Variants in CSMD1 observed in about 807,000 individuals in gnomAD.
CSMD1 encodes CUB and sushi domain-containing protein 1.
Under a neutral mutation model 417.5 loss-of-function variants are expected in CSMD1, and 213 were observed. The observed-to-expected ratio is 0.51, with a 90% CI of 0.46 to 0.57. The LOEUF is 0.57. CSMD1 is among the 20% of genes least tolerant of loss of function. CSMD1 has a pLI of 0.00. For synonymous variants in CSMD1, 2,862 were observed against 1,736.8 expected (o/e 1.65, Z -16.11); for missense variants, 6,923 against 4,529.7 (o/e 1.53, Z -15.17).
At chr8:3,043,866 T>C (rs1811267632) in intron 50 of CSMD1, 1 of 152,420 alleles carries the variant, frequency 6.6e-6, no homozygotes, top group African/African-American at 2.4e-5. Flanking sequence ...TCTAATTAAA[T>C]AATGTCATTC....
chr8:3,744,365 C>T (rs963532389), intron 6 of CSMD1, among the ~76,000 whole-genome samples: 4 of 152,056 alleles, frequency 2.6e-5, no homozygotes, highest in Admixed American at 2.6e-4. Context: ...CTAAACAGGG[C>T]ACAGCAGGAC....
rs564224186 is a variant in CSMD1, at chr8:4,112,594, T to C, written c.416-80495A>G. 1.2e-4 allele frequency among the ~76,000 whole-genome samples: 18 copies of C among 152,248 alleles called. 1 individual carries two copies. The East Asian group carries it at 3.3e-3, about 28-fold the overall frequency. Reference sequence around the variant, plus strand: ...CTGGGGAGGCTGACTTCACAGTCTGTGCGTGTATGAGGGCTGGTTCTCAGC... The same window carrying C: ...CTGGGGAGGCTGACTTCACAGTCTGCGCGTGTATGAGGGCTGGTTCTCAGC... On this transcript the variant is annotated intron_variant, in intron 3 of 69. Coordinates refer to ENST00000635120, the MANE Select transcript of CSMD1 (RefSeq NM_033225.6).
At chr8:3,445,246 C>A (rs1450213383) in intron 12 of CSMD1, among the ~76,000 whole-genome samples, 1 of 152,168 alleles carries the variant, frequency 6.6e-6, no homozygotes, top group South Asian at 2.1e-4. Flanking sequence ...GGGTTACGTT[C>A]TCTGGGTTTC....
chr8:3,026,594 C>T (rs964748274), intron 51 of CSMD1, among the ~76,000 whole-genome samples: 10 of 152,066 alleles, frequency 6.6e-5, no homozygotes, highest in Admixed American at 6.5e-4. Flanking sequence ...CTTGACTGGG[C>T]CTCACTGGAC....
At chr8:4,336,904 C>A (rs1426660297) in intron 3 of CSMD1, among the ~76,000 whole-genome samples, 1 of 152,026 alleles carries the variant, frequency 6.6e-6, no homozygotes, top group Non-Finnish European at 1.5e-5. Flanking sequence ...TGCCTAATTT[C>A]CATAATAAAT....
intron 5 of CSMD1, among the ~76,000 whole-genome samples, chr8:3,893,521 A>T (rs1807139897): frequency 6.6e-6 from 1 of 151,808 alleles, no homozygotes; most frequent in South Asian, 2.1e-4. Flanking sequence ...TTTACAAATT[A>T]AATTTATAAA....
intron 8 of CSMD1, among the ~76,000 whole-genome samples, chr8:3,596,757 T>G (rs980719348): frequency 6.6e-6 from 1 of 152,048 alleles, no homozygotes; most frequent in African/African-American, 2.4e-5. Flanking sequence ...AAAACACTGC[T>G]ATAATTCAGG....
intron 3 of CSMD1, among the ~76,000 whole-genome samples, chr8:4,074,313 C>A (rs1209912152): frequency 1.3e-5 from 2 of 151,866 alleles, no homozygotes; most frequent in African/African-American, 4.8e-5. Context: ...AAAATAAAAA[C>A]TATAGATTAA....
At chr8:4,253,870 T>C (rs1466060532) in intron 3 of CSMD1, among the ~76,000 whole-genome samples, 1 of 150,958 alleles carries the variant, frequency 6.6e-6, no homozygotes, top group Non-Finnish European at 1.5e-5. Flanking sequence ...GCTGGTCTTA[T>C]CTACAAAGAG....
chr8:3,438,272 C>A (rs191683387), intron 12 of CSMD1, among the ~76,000 whole-genome samples: 53 of 152,256 alleles, frequency 3.5e-4, no homozygotes, highest in African/African-American at 1.1e-3. Flanking sequence ...TCTTGTGTAA[C>A]CTTCGTGCAG....
At position 3,361,935 on chromosome 8, in the gene CSMD1, C is replaced by T. The variant is rs1809213064; in HGVS notation, c.3116-2595G>A. 6.6e-5 allele frequency among the ~76,000 whole-genome samples: 10 copies of T among 152,246 alleles called. 1 individual carries two copies. The South Asian group carries it at 2.1e-3, about 32-fold the overall frequency. On this transcript the variant is annotated intron_variant, in intron 20 of 69. Coordinates refer to ENST00000635120, the MANE Select transcript of CSMD1 (RefSeq NM_033225.6). Reference sequence around the variant, plus strand: ...AAGGATTCTCTTATATTAATTATCACTTAATCATTATTATACAAAGTATAT... The same window carrying T: ...AAGGATTCTCTTATATTAATTATCATTTAATCATTATTATACAAAGTATAT...
At chr8:4,380,283 G>C (rs540582699) in intron 3 of CSMD1, among the ~76,000 whole-genome samples, 6 of 152,058 alleles carry the variant, frequency 3.9e-5, no homozygotes, top group African/African-American at 1.2e-4. Flanking sequence ...GGTGACTAAG[G>C]TCAGCATCTG....
intron 1 of CSMD1, among the ~76,000 whole-genome samples, chr8:4,740,446 A>G (rs565330308): frequency 2.5e-4 from 38 of 152,296 alleles, no homozygotes; most frequent in Admixed American, 2.0e-3. Flanking sequence ...ACTGAATGCA[A>G]TCCTAGGGTA....
At chr8:4,274,510 A>G (rs1434624101) in intron 3 of CSMD1, among the ~76,000 whole-genome samples, 1 of 152,144 alleles carries the variant, frequency 6.6e-6, no homozygotes, top group Non-Finnish European at 1.5e-5. Flanking sequence ...TGTTTCTTTA[A>G]TATTTGTTTA....
chr8:4,491,346 G>A (rs1012564068), intron 2 of CSMD1, among the ~76,000 whole-genome samples: 12 of 152,132 alleles, frequency 7.9e-5, no homozygotes, highest in Non-Finnish European at 1.3e-4. Flanking sequence ...CTGGGCGCAC[G>A]TGTCCAGGAT....
chr8:3,575,041 A>G lies in CSMD1; in HGVS notation c.1248T>C (p.Arg416=). 1 of 1,613,546 alleles carries G rather than the reference A, an allele frequency of 6.2e-7. No individual in the cohort carries two copies. The highest frequency in any genetic ancestry group is 8.5e-7 in the Non-Finnish European group (1 of 1,179,744). The part of the protein sequence containing the change: ...CRARTCGSNL[R]GPSGVITSPN... The stretch of plus-strand genomic sequence containing the variant: ...GGGAGGTAATGACGCCGCTGGGCCC[A>G]CGCAGATTGGATCCACATGTTCTCG... Residue 416 remains arginine (R), a synonymous_variant, in exon 10 of 70, where the codon CGT becomes CGC. Coordinates refer to ENST00000635120, the MANE Select transcript of CSMD1 (RefSeq NM_033225.6).
intron 33 of CSMD1, among the ~76,000 whole-genome samples, chr8:3,199,140 A>G (rs774414079): frequency 6.6e-6 from 1 of 152,228 alleles, no homozygotes; most frequent in Non-Finnish European, 1.5e-5. Flanking sequence ...GCAATCTCAA[A>G]TATTTTTTAA....
chr8:4,859,128 T>C (rs1801980689), intron 1 of CSMD1, among the ~76,000 whole-genome samples: 1 of 152,102 alleles, frequency 6.6e-6, no homozygotes, highest in African/African-American at 2.4e-5. Flanking sequence ...TGCAACTATC[T>C]GATCTTTGAC....
intron 23 of CSMD1, among the ~76,000 whole-genome samples, chr8:3,317,637 C>T (rs1805861779): frequency 2.0e-5 from 3 of 152,098 alleles, no homozygotes; most frequent in Admixed American, 6.5e-5. Flanking sequence ...AAGGATGGCT[C>T]CTTTTGTCAG....
Sources: allele counts gnomAD v4.1 joint callset (sites outside exome capture counted in the v4.1 genomes callset), GRCh38; gene constraint gnomAD v4.1.1; transcripts MANE v1.5; gene names NCBI Gene and HGNC (gene_info 2026-07-23, HGNC 2026-07-21).